The following SERPINB1 variants were observed in gnomAD, a reference collection of about 807,000 sequenced individuals.
The protein encoded by SERPINB1 is serpin family B member 1, also known as leukocyte elastase inhibitor.
A neutral mutation model predicts 25.9 loss-of-function variants in SERPINB1; 23 were observed. That is an observed-to-expected ratio of 0.89 (90% CI 0.64 to 1.26). The LOEUF (loss-of-function observed/expected upper bound fraction) is 1.26, where lower values mean the gene tolerates loss of function less well. Among genes scored for constraint, SERPINB1 ranks in the 50% most tolerant of loss-of-function variants. The pLI, the probability that SERPINB1 is intolerant of heterozygous loss-of-function variation, is 0.00. For missense variants in SERPINB1, 399 were observed against 463.6 expected, an observed-to-expected ratio of 0.86 and a Z score of 1.28; for synonymous variants, 178 against 178.7, an observed-to-expected ratio of 1.00 and a Z score of 0.03.
At chr6:2,834,995 G>C (rs1236578924) in intron 6 of SERPINB1, among the ~76,000 whole-genome samples, 1 of 152,116 alleles carries the variant, frequency 6.6e-6, no homozygotes, top group Non-Finnish European at 1.5e-5. Flanking sequence ...AGAGGCTAGA[G>C]ATTTTCACTT....
In SERPINB1 at chr6:2,836,252, T is replaced by TAA. The variant is rs150564609; in HGVS notation, c.425-4_425-3dup. The TAA allele has an allele frequency of 1.3e-6, 2 of 1,574,158 alleles. No individual in the cohort carries two copies. Among genetic ancestry groups the TAA allele is most frequent in the East Asian group, 4.5e-5 (2 of 44,204 alleles). On this transcript the variant is annotated splice_region_variant and splice_polypyrimidine_tract_variant and intron_variant, in intron 4 of 6. Transcript: ENST00000380739. ...AAGCCAACAGTTCCGGAATTTTTCCTAAAAAAAAATCAAGTTAGCGTAAAA... is the reference window on the plus strand; with the variant it reads ...AAGCCAACAGTTCCGGAATTTTTCCTAAAAAAAAAAATCAAGTTAGCGTAAAA...
chr6:2,836,040 A>C lies in SERPINB1; in HGVS notation c.568-17T>G, dbSNP rs755775150. 10 of 1,613,850 alleles carry C rather than the reference A, an allele frequency of 6.2e-6. No homozygotes were observed. The highest frequency in any genetic ancestry group is 8.5e-6 in the Non-Finnish European group (10 of 1,179,954). ...TCTGTCTTTCTGAACAGTTTTAAAAAATCACTGAAATTATTCTCTGCATTC... is the reference window on the plus strand; with the variant it reads ...TCTGTCTTTCTGAACAGTTTTAAAACATCACTGAAATTATTCTCTGCATTC... On this transcript the variant is annotated splice_polypyrimidine_tract_variant and intron_variant, in intron 5 of 6. Coordinates refer to ENST00000380739, the MANE Select transcript of SERPINB1 (RefSeq NM_030666.4).
chr6:2,834,077 A>G lies in SERPINB1; in HGVS notation c.736-65T>C, dbSNP rs185096279. 7.1e-6 allele frequency: 10 copies of G among 1,406,496 alleles called. No individual in the cohort carries two copies. The East Asian group carries it at 2.3e-4, about 33-fold the overall frequency. The allele number at this position is 1,406,496 out of a possible 1,614,324, so 87.1% of individuals were successfully genotyped here. ...TTTTACATAAGTAAGGCAATAAAGTATTATTGAATCAATGGACCCATAATA... is the reference window on the plus strand; with the variant it reads ...TTTTACATAAGTAAGGCAATAAAGTGTTATTGAATCAATGGACCCATAATA... On this transcript the variant is annotated intron_variant, in intron 6 of 6. Coordinates refer to ENST00000380739, the MANE Select transcript of SERPINB1 (RefSeq NM_030666.4).
rs1766535829 is a variant in SERPINB1, at chr6:2,837,795, A to G, written c.424+87T>C. On this transcript the variant is annotated intron_variant, in intron 4 of 6. Transcript: ENST00000380739. This position sits in a 1 kb window ranked among gnomAD's most constrained non-coding sequence, Gnocchi z 4.3. ...TGCGCCAGGACTGTGGGAGCTGGGG[A>G]GGGAATAACTGCAGGTAGGGAAGGC... 4 of 951,562 alleles carry G rather than the reference A, an allele frequency of 4.2e-6. No individual in the cohort carries two copies. The highest frequency in any genetic ancestry group is 6.8e-6 in the Non-Finnish European group (4 of 585,894). The allele number at this position is 951,562 out of a possible 1,614,324, so 58.9% of individuals were successfully genotyped here.
At position 2,837,987 on chromosome 6, in the gene SERPINB1, A is replaced by T; in HGVS notation, c.319T>A (p.Ser107Thr). 1 of 1,612,826 alleles carries T rather than the reference A, an allele frequency of 6.2e-7. No individual in the cohort carries two copies. Among genetic ancestry groups the T allele is most frequent in the African/African-American group, 1.3e-5 (1 of 74,978 alleles). The change falls in exon 4 of 7, where the codon TCG becomes ACG. Residue 107 changes from serine (S) to threonine (T), a missense_variant. Physicochemically the swap from Ser to Thr is moderately conservative, Grantham distance 58. Coordinates refer to ENST00000380739, the MANE Select transcript of SERPINB1 (RefSeq NM_030666.4). The surrounding 1 kb of genome is among the most constrained non-coding windows in gnomAD (Gnocchi z 4.3). ...TCAGCACCATATGTTTTCTGAGTCGAAACCAAGAACTCCTATTAAAAAAAA... is the reference window on the plus strand; with the variant it reads ...TCAGCACCATATGTTTTCTGAGTCGTAACCAAGAACTCCTATTAAAAAAAA... ...TYNFLPEFLV[S>T]TQKTYGADLA...
rs969630446 is a variant in SERPINB1, at chr6:2,841,821, C to T, written c.-18G>A. 6.6e-6 allele frequency: 1 copy of T among 152,282 alleles called. No individual in the cohort carries two copies. Among genetic ancestry groups the T allele is most frequent in the East Asian group, 1.9e-4 (1 of 5,192 alleles). The allele number at this position is 152,282 out of a possible 1,614,324, so 9.4% of individuals were successfully genotyped here. On this transcript the variant is annotated 5_prime_UTR_variant, in exon 1 of 7. Coordinates refer to ENST00000380739, the MANE Select transcript of SERPINB1 (RefSeq NM_030666.4). The surrounding 1 kb of genome is among the most constrained non-coding windows in gnomAD (Gnocchi z 4.5). Reference sequence around the variant, plus strand: ...CGAGGCCCGGCCTTACCCGACAGGCCGCCGAGGCACGCTCCGGGCTCCGAG... The same window carrying T: ...CGAGGCCCGGCCTTACCCGACAGGCTGCCGAGGCACGCTCCGGGCTCCGAG...
intron 3 of SERPINB1, 102 bp downstream of exon 3, chr6:2,838,447 G>A: frequency 8.7e-7 from 1 of 1,151,802 alleles, no homozygotes; most frequent in Non-Finnish European, 1.2e-6. Flanking sequence ...TTGTTTTTCT[G>A]AAAGTTTACA....
Position 2,833,453 on chromosome 6 carries a change from G to A in SERPINB1, c.*155C>T, listed in dbSNP as rs532470102. 8 of 719,008 alleles carry A rather than the reference G, an allele frequency of 1.1e-5. No individual in the cohort carries two copies. In the African/African-American group the frequency reaches 1.4e-4, roughly 13 times the overall value. The allele number at this position is 719,008 out of a possible 1,614,324, so 44.5% of individuals were successfully genotyped here. ...GATACCCATGCCAAAATTCATGGGT[G>A]TAAACAGCCAACAGAGCCAAACTTA... On this transcript the variant is annotated 3_prime_UTR_variant, in exon 7 of 7. Transcript: ENST00000380739.
At position 2,837,782 on chromosome 6, in the gene SERPINB1, G is replaced by T; in HGVS notation, c.424+100C>A. 1.1e-6 allele frequency: 1 copy of T among 876,792 alleles called. No individual in the cohort carries two copies. 54.3% of individuals were successfully genotyped at this position (876,792 alleles called of 1,614,324 possible). A position where few individuals can be genotyped will look rare whatever the true frequency, so the allele number is the denominator to read the frequency against. On this transcript the variant is annotated intron_variant, in intron 4 of 6. Transcript: ENST00000380739. This position sits in a 1 kb window ranked among gnomAD's most constrained non-coding sequence, Gnocchi z 4.3. ...TGTAACCACGATGTGCGCCAGGACTGTGGGAGCTGGGGAGGGAATAACTGC... is the reference window on the plus strand; with the variant it reads ...TGTAACCACGATGTGCGCCAGGACTTTGGGAGCTGGGGAGGGAATAACTGC...
In SERPINB1 at chr6:2,833,348, G is replaced by A. The variant is rs985557376; in HGVS notation, c.*260C>T. On this transcript the variant is annotated 3_prime_UTR_variant, in exon 7 of 7. Transcript: ENST00000380739. Reference sequence around the variant, plus strand: ...CTACATGGTCAAGAATCTACGCATCGGATGTATTCTTTTCTTCTTCTTTAC... The same window carrying A: ...CTACATGGTCAAGAATCTACGCATCAGATGTATTCTTTTCTTCTTCTTTAC... 56 of 376,540 alleles carry A rather than the reference G, an allele frequency of 1.5e-4. No individual in the cohort carries two copies. The highest frequency in any genetic ancestry group is 9.3e-4 in the South Asian group (14 of 15,078). 23.3% of individuals were successfully genotyped at this position (376,540 alleles called of 1,614,324 possible).
intron 6 of SERPINB1, 114 bp downstream of exon 6, chr6:2,835,742 G>A: frequency 8.3e-7 from 1 of 1,199,254 alleles, no homozygotes; most frequent in Non-Finnish European, 1.2e-6. Context: ...CATTTACAAA[G>A]GAATGACAAA....
At chr6:2,838,784 T>TA in intron 2 of SERPINB1, 98 bp from the exon 3 acceptor site, 2 of 943,690 alleles carry the variant, frequency 2.1e-6, no homozygotes, top group Non-Finnish European at 2.9e-6. Context: ...AATGTGTTTT[T>TA]ATTACTAATT....
Position 2,832,859 on chromosome 6 carries a change from C to G in SERPINB1, c.*749G>C, listed in dbSNP as rs546871211. 6.6e-6 allele frequency: 1 copy of G among 152,026 alleles called. No homozygotes were observed. Among genetic ancestry groups the G allele is most frequent in the African/African-American group, 2.4e-5 (1 of 41,324 alleles). 9.4% of individuals were successfully genotyped at this position (152,026 alleles called of 1,614,324 possible). A position where few individuals can be genotyped will look rare whatever the true frequency, so the allele number is the denominator to read the frequency against. On this transcript the variant is annotated 3_prime_UTR_variant, in exon 7 of 7. Coordinates refer to ENST00000380739, the MANE Select transcript of SERPINB1 (RefSeq NM_030666.4). Reference sequence around the variant, plus strand: ...AAAAAGAAAAAGAGAAAAGAAAACACATGAGAAGGTGGCTAACAGTAAAAC... The same window carrying G: ...AAAAAGAAAAAGAGAAAAGAAAACAGATGAGAAGGTGGCTAACAGTAAAAC...
chr6:2,835,109 G>T (rs1052799620), intron 6 of SERPINB1, among the ~76,000 whole-genome samples: 1 of 152,184 alleles, frequency 6.6e-6, no homozygotes, highest in Non-Finnish European at 1.5e-5. Context: ...ATTAACATTA[G>T]ACCCCCTTCC....
Position 2,832,418 on chromosome 6 carries a change from T to C in SERPINB1, c.*1190A>G, listed in dbSNP as rs1416774052. The stretch of plus-strand genomic sequence containing the variant: ...AGAATATGCGGCGTTTCAAGCTCCA[T>C]TCAAAGAACTACATTTGACAAAGTT... On this transcript the variant is annotated 3_prime_UTR_variant, in exon 7 of 7. Coordinates refer to ENST00000380739, the MANE Select transcript of SERPINB1 (RefSeq NM_030666.4). 1 of 152,188 alleles carries C rather than the reference T, an allele frequency of 6.6e-6. No individual in the cohort carries two copies. The highest frequency in any genetic ancestry group is 1.5e-5 in the Non-Finnish European group (1 of 68,050). 9.4% of individuals were successfully genotyped at this position (152,188 alleles called of 1,614,324 possible). A position where few individuals can be genotyped will look rare whatever the true frequency, so the allele number is the denominator to read the frequency against.
At position 2,834,423 on chromosome 6, in the gene SERPINB1, C is replaced by T. The variant is rs548114366; in HGVS notation, c.736-411G>A. Among the ~76,000 whole-genome samples the T allele has an allele frequency of 1.2e-4, 18 of 151,904 alleles. No individual in the cohort carries two copies. In the East Asian group the frequency reaches 1.9e-3, roughly 16 times the overall value. ...CCCACCCATCCAACCATCTATCCAC[C>T]TATTCATCATCCATCTACCCATCCA... On this transcript the variant is annotated intron_variant, in intron 6 of 6. Transcript: ENST00000380739.
In SERPINB1 at chr6:2,837,967, A is replaced by G. The variant is rs768545231; in HGVS notation, c.339T>C (p.Gly113=). ...EFLVSTQKTY[G]ADLASVDFQH... is the part of the protein sequence containing the mutation. ...GAAAATCCACACTGGCCAGGTCAGC[A>G]CCATATGTTTTCTGAGTCGAAACCA... is the stretch of plus-strand genomic sequence containing the variant. The change falls in exon 4 of 7, where the codon GGT becomes GGC. Residue 113 remains glycine, a synonymous_variant. Coordinates refer to ENST00000380739, the MANE Select transcript of SERPINB1 (RefSeq NM_030666.4). This position sits in a 1 kb window ranked among gnomAD's most constrained non-coding sequence, Gnocchi z 4.3. 6 of 1,613,914 alleles carry G rather than the reference A, an allele frequency of 3.7e-6. No individual in the cohort carries two copies. The highest frequency in any genetic ancestry group is 5.1e-6 in the Non-Finnish European group (6 of 1,179,938).
Position 2,837,669 on chromosome 6 carries a change from T to G in SERPINB1, c.424+213A>C, listed in dbSNP as rs1320945805. 5.9e-5 allele frequency among the ~76,000 whole-genome samples: 9 copies of G among 152,234 alleles called. No individual in the cohort carries two copies. Among genetic ancestry groups the G allele is most frequent in the Non-Finnish European group, 2.9e-5 (2 of 68,038 alleles). Reference sequence around the variant, plus strand: ...TTAGCTGCTTGAGTTAAATCATGTTTAAGTTTCCACTCTGGTGAACTTCGA... The same window carrying G: ...TTAGCTGCTTGAGTTAAATCATGTTGAAGTTTCCACTCTGGTGAACTTCGA... On this transcript the variant is annotated intron_variant, in intron 4 of 6. Transcript: ENST00000380739. This position sits in a 1 kb window ranked among gnomAD's most constrained non-coding sequence, Gnocchi z 4.3.
Position 2,832,722 on chromosome 6 carries a change from A to T in SERPINB1, c.*886T>A, listed in dbSNP as rs1766365219. The T allele has an allele frequency of 2.0e-5, 3 of 151,986 alleles. No individual in the cohort carries two copies. Among genetic ancestry groups the T allele is most frequent in the Admixed American group, 1.3e-4 (2 of 15,158 alleles). 9.4% of individuals were successfully genotyped at this position (151,986 alleles called of 1,614,324 possible). ...CTCAGGAGGCTGAAGCAAGAGAATC[A>T]CTTGAACCCAGGAGGCAGAGGTTGC... On this transcript the variant is annotated 3_prime_UTR_variant, in exon 7 of 7. Coordinates refer to ENST00000380739, the MANE Select transcript of SERPINB1 (RefSeq NM_030666.4).
Sources: gnomAD v4.1 joint callset for allele counts (sites outside exome capture counted in the v4.1 genomes callset) on GRCh38, gnomAD v4.1.1 for gene constraint, Gnocchi (gnomAD v3.1) non-coding constraint, MANE v1.5 for transcripts, NCBI Gene and HGNC (gene_info 2026-07-23, HGNC 2026-07-21) for gene names.